Variants in STK32B observed in about 807,000 individuals in gnomAD.
STK32B encodes the protein serine/threonine-protein kinase 32B.
Under a neutral mutation model 52.6 loss-of-function variants are expected in STK32B, and 43 were observed. The ratio of observed to expected loss-of-function variants is 0.82; its 90% CI spans 0.64 to 1.05. The LOEUF is 1.05. STK32B is among the 50% of genes least tolerant of loss of function. The probability of loss-of-function intolerance (pLI) is 0.00; values close to 1 mark genes in which losing one functional copy is unlikely to be tolerated. For missense variants in STK32B, 621 were observed against 534.6 expected (o/e 1.16, Z -1.59); for synonymous variants, 238 against 204.3 (o/e 1.17, Z -1.41).
At chr4:5,168,230 G>A in intron 2 of STK32B, 69 bp from the exon 3 acceptor site, 1 of 1,551,720 alleles carries the variant, frequency 6.4e-7, no homozygotes. Flanking sequence ...GCAGTGCGGG[G>A]TGACATTTCT....
In STK32B at chr4:5,463,582, C is replaced by T. The variant is rs111574313; in HGVS notation, c.910-3121C>T. Reference sequence around the variant, plus strand: ...CACACACATACCTACTCATCCTACACAAGCACATGCATTCACATATATACT... The same window carrying T: ...CACACACATACCTACTCATCCTACATAAGCACATGCATTCACATATATACT... On this transcript the variant is annotated intron_variant, in intron 9 of 11. Transcript: ENST00000282908. Among the ~76,000 whole-genome samples, 250 of 152,234 alleles carry T rather than the reference C, an allele frequency of 1.6e-3. 1 individual carries two copies. The highest frequency in any genetic ancestry group is 5.4e-3 in the African/African-American group (225 of 41,546).
chr4:5,128,067 A>G (rs1715518185), intron 1 of STK32B, among the ~76,000 whole-genome samples: 1 of 152,146 alleles, frequency 6.6e-6, no homozygotes, highest in Non-Finnish European at 1.5e-5. Context: ...AGTGTCAGGT[A>G]TATGTTTATT....
rs1291326901 is a variant in STK32B, at chr4:5,398,880, C to T, written c.472+636C>T. On this transcript the variant is annotated intron_variant, in intron 5 of 11. Transcript: ENST00000282908. The surrounding 1 kb of genome is among the most constrained non-coding windows in gnomAD (Gnocchi z 4.9). ...TGGCTGATGCTGCTGGTCCATGGACCACACCTTGAGTAGCAAGGCACCAAG... is the reference window on the plus strand; with the variant it reads ...TGGCTGATGCTGCTGGTCCATGGACTACACCTTGAGTAGCAAGGCACCAAG... Among the ~76,000 whole-genome samples the T allele has an allele frequency of 6.6e-6, 1 of 152,200 alleles. No individual in the cohort carries two copies. Among genetic ancestry groups the T allele is most frequent in the Non-Finnish European group, 1.5e-5 (1 of 68,036 alleles).
intron 5 of STK32B, among the ~76,000 whole-genome samples, chr4:5,402,142 A>G (rs6812255): frequency 0.23 from 35,116 of 152,222 alleles, 4,343 homozygotes; most frequent in Admixed American, 0.31. Flanking sequence ...TTTGCCACCA[A>G]TGCAGGAGAC....
chr4:5,221,691 A>G (rs910377491), intron 3 of STK32B, among the ~76,000 whole-genome samples: 1 of 151,978 alleles, frequency 6.6e-6, no homozygotes, highest in Non-Finnish European at 1.5e-5. Context: ...CGCTGTCTCT[A>G]CTAAAAATAC....
At chr4:5,167,184 C>T (rs1718944335) in intron 2 of STK32B, among the ~76,000 whole-genome samples, 1 of 152,204 alleles carries the variant, frequency 6.6e-6, no homozygotes, top group Non-Finnish European at 1.5e-5. Flanking sequence ...CAGCTCCCAT[C>T]CTCCCACCTT....
intron 3 of STK32B, among the ~76,000 whole-genome samples, chr4:5,326,439 C>G (rs1408215293): frequency 6.6e-6 from 1 of 152,116 alleles, no homozygotes; most frequent in Non-Finnish European, 1.5e-5. Context: ...ATGGATCTTT[C>G]TTCTGACTAG....
rs77311120 is a variant in STK32B at position 5,276,369 on chromosome 4, G to A, written c.261-54851G>A. Among the ~76,000 whole-genome samples, 550 of 152,212 alleles carry A rather than the reference G, an allele frequency of 3.6e-3. 2 individuals carry two copies. The highest frequency in any genetic ancestry group is 0.012 in the African/African-American group (494 of 41,544). On this transcript the variant is annotated intron_variant, in intron 3 of 11. Transcript: ENST00000282908. ...AAAAATTATCCAGACTTGTTAGAAT[G>A]TGCATCCTACTTTGGGGAGGTCAGC...
At chr4:5,324,850 C>T (rs375740948) in intron 3 of STK32B, among the ~76,000 whole-genome samples, 5 of 152,174 alleles carry the variant, frequency 3.3e-5, no homozygotes, top group South Asian at 4.1e-4. Context: ...CCTAACATGA[C>T]GGCAAAATCT....
chr4:5,090,704 A>G (rs11730224), intron 1 of STK32B, among the ~76,000 whole-genome samples: 13,826 of 152,106 alleles, frequency 0.091, 722 homozygotes, highest in East Asian at 0.17. Context: ...GGTGTAAGGA[A>G]GGGGTCCAGT....
Position 5,181,529 on chromosome 4 carries a change from A to G in STK32B, c.260+13079A>G, listed in dbSNP as rs541607171. Among the ~76,000 whole-genome samples, 8 of 152,342 alleles carry G rather than the reference A, an allele frequency of 5.3e-5. 1 individual carries two copies. In the South Asian group the frequency reaches 1.0e-3, roughly 20 times the overall value. On this transcript the variant is annotated intron_variant, in intron 3 of 11. Coordinates refer to ENST00000282908, the MANE Select transcript of STK32B (RefSeq NM_018401.3). ...AAGGTGACTAATAAAGGTCTCCACT[A>G]TTACTGCCATTACAGGCATACGTCG...
At chr4:5,385,029 A>T (rs1013692470) in intron 4 of STK32B, among the ~76,000 whole-genome samples, 1 of 152,096 alleles carries the variant, frequency 6.6e-6, no homozygotes, top group African/African-American at 2.4e-5. Flanking sequence ...GAAACCCTCG[A>T]GTCGTGGTGG....
intron 1 of STK32B, among the ~76,000 whole-genome samples, chr4:5,125,557 G>A (rs562978537): frequency 2.0e-5 from 3 of 152,206 alleles, no homozygotes; most frequent in Non-Finnish European, 2.9e-5. Flanking sequence ...TGAGGCCAGC[G>A]ATGCAGGGAG....
At chr4:5,072,204 G>C (rs1050231261) in intron 1 of STK32B, among the ~76,000 whole-genome samples, 1 of 151,950 alleles carries the variant, frequency 6.6e-6, no homozygotes, top group East Asian at 1.9e-4. Context: ...TGACAACTCT[G>C]TCTTTGTTGT....
intron 3 of STK32B, among the ~76,000 whole-genome samples, chr4:5,171,827 T>A (rs1251952028): frequency 6.6e-6 from 1 of 150,742 alleles, no homozygotes; most frequent in Non-Finnish European, 1.5e-5. Flanking sequence ...TAAAGTAGTT[T>A]TTTCCAATTC....
rs560863776 is a variant in STK32B at position 5,247,970 on chromosome 4, A to C, written c.260+79520A>C. Among the ~76,000 whole-genome samples the C allele has an allele frequency of 3.3e-5, 5 of 152,164 alleles. No homozygotes were observed. In the South Asian group the frequency reaches 1.0e-3, roughly 32 times the overall value. On this transcript the variant is annotated intron_variant, in intron 3 of 11. Coordinates refer to ENST00000282908, the MANE Select transcript of STK32B (RefSeq NM_018401.3). ...ACACATGCCTCTTTTTACTCATATCAGCAAGTCTGCTCAGGGCAGCCATGG... is the reference window on the plus strand; with the variant it reads ...ACACATGCCTCTTTTTACTCATATCCGCAAGTCTGCTCAGGGCAGCCATGG...
intron 2 of STK32B, among the ~76,000 whole-genome samples, chr4:5,143,101 C>CCCTGTCTGTCTG: frequency 7.4e-6 from 1 of 135,692 alleles, no homozygotes; most frequent in East Asian, 3.0e-4. Flanking sequence ...CTGTCTCTGT[C>CCCTGTCTGTCTG]TCTGTCTGTC....
chr4:5,431,871 C>G (rs970815666), intron 6 of STK32B, among the ~76,000 whole-genome samples: 8 of 152,098 alleles, frequency 5.3e-5, no homozygotes, highest in African/African-American at 1.9e-4. Flanking sequence ...TATAAATTAC[C>G]CCCCAAAGGA....
intron 3 of STK32B, among the ~76,000 whole-genome samples, chr4:5,275,414 G>A (rs1020437368): frequency 3.3e-5 from 5 of 152,134 alleles, no homozygotes; most frequent in African/African-American, 1.2e-4. Flanking sequence ...AATCAATTTT[G>A]ATGCAAATAT....
Sources: gnomAD v4.1 joint callset for allele counts (sites outside exome capture counted in the v4.1 genomes callset) on GRCh38, gnomAD v4.1.1 for gene constraint, Gnocchi (gnomAD v3.1) non-coding constraint, MANE v1.5 for transcripts, NCBI Gene and HGNC (gene_info 2026-07-23, HGNC 2026-07-21) for gene names.